STPG2: variants seen among roughly 807,000 people sequenced by gnomAD.
The protein encoded by STPG2 is sperm-tail PG-rich repeat-containing protein 2.
STPG2 carries 56 observed loss-of-function variants against 54.2 expected under a neutral mutation model. The observed-to-expected ratio is 1.03, with a 90% CI of 0.83 to 1.29. STPG2 has a LOEUF of 1.29. Among genes scored for constraint, STPG2 ranks in the 50% most tolerant of loss-of-function variants. The pLI is 0.00. For missense variants in STPG2, 596 were observed against 544.9 expected (o/e 1.09, Z -0.93); for synonymous variants, 200 against 181.8 (o/e 1.10, Z -0.81).
intron 9 of STPG2, among the ~76,000 whole-genome samples, chr4:97,715,385 A>T (rs1483098159): frequency 6.6e-6 from 1 of 152,176 alleles, no homozygotes; most frequent in African/African-American, 2.4e-5. Context: ...GGGAAATTCA[A>T]GAGTAGGTGA....
intron 10 of STPG2, among the ~76,000 whole-genome samples, chr4:97,592,141 CACTT>C (rs1380239621): frequency 1.3e-5 from 2 of 152,008 alleles, no homozygotes; most frequent in Non-Finnish European, 2.9e-5. Context: ...ATATAATTAA[CACTT>C]AAATAATAAC....
chr4:97,734,633 C>T (rs958427716), intron 9 of STPG2, among the ~76,000 whole-genome samples: 1 of 152,102 alleles, frequency 6.6e-6, no homozygotes, highest in East Asian at 1.9e-4. Flanking sequence ...CCATCCATGC[C>T]TCCCAAGGAT....
intron 9 of STPG2, among the ~76,000 whole-genome samples, chr4:97,835,756 CATTCATG>C (rs1418974900): frequency 6.6e-6 from 1 of 152,080 alleles, no homozygotes; most frequent in East Asian, 1.9e-4. Flanking sequence ...ATCATTAGAA[CATTCATG>C]ATTCATGGGA....
intron 10 of STPG2, among the ~76,000 whole-genome samples, chr4:97,707,617 T>C (rs992717878): frequency 6.6e-6 from 1 of 152,024 alleles, no homozygotes; most frequent in Non-Finnish European, 1.5e-5. Flanking sequence ...GAGTTACCTA[T>C]GAGAGTATGA....
chr4:98,124,761 A>G (rs13102369), intron 3 of STPG2, among the ~76,000 whole-genome samples: 60,084 of 152,016 alleles, frequency 0.4, 12,117 homozygotes, highest in Middle Eastern at 0.46. Flanking sequence ...ATGATATCCC[A>G]AGGTATGTTT....
intron 5 of STPG2, among the ~76,000 whole-genome samples, chr4:98,002,125 T>C (rs1472226216): frequency 6.6e-6 from 1 of 152,074 alleles, no homozygotes; most frequent in African/African-American, 2.4e-5. Flanking sequence ...AATTATAATG[T>C]CCATGTTTAT....
intron 5 of STPG2, among the ~76,000 whole-genome samples, chr4:98,070,542 A>C (rs1180028152): frequency 1.4e-5 from 2 of 141,182 alleles, no homozygotes; most frequent in African/African-American, 4.9e-5. Flanking sequence ...GAAAGAAATA[A>C]AGGGTATTCA....
At chr4:97,683,270 C>T (rs994345062) in intron 10 of STPG2, among the ~76,000 whole-genome samples, 1 of 151,768 alleles carries the variant, frequency 6.6e-6, no homozygotes, top group Non-Finnish European at 1.5e-5. Flanking sequence ...AGCTATTCAA[C>T]AGTCATTAAA....
At chr4:98,070,646 A>C (rs1344500027) in intron 5 of STPG2, among the ~76,000 whole-genome samples, 1 of 152,134 alleles carries the variant, frequency 6.6e-6, no homozygotes. Context: ...TCTTAAGCTG[A>C]TAAGCAACTT....
intron 8 of STPG2, among the ~76,000 whole-genome samples, chr4:97,859,790 C>A (rs1193688330): frequency 6.6e-6 from 1 of 152,142 alleles, no homozygotes; most frequent in Non-Finnish European, 1.5e-5. Context: ...TGGTCATCAA[C>A]TCTTGGCCTA....
At chr4:97,829,882 A>T (rs1241782150) in intron 9 of STPG2, among the ~76,000 whole-genome samples, 1 of 152,144 alleles carries the variant, frequency 6.6e-6, no homozygotes, top group Admixed American at 6.6e-5. Flanking sequence ...TGTAAAAAGA[A>T]CAAATCTACG....
At chr4:97,697,212 C>T (rs1174865342) in intron 10 of STPG2, among the ~76,000 whole-genome samples, 1 of 152,160 alleles carries the variant, frequency 6.6e-6, no homozygotes, top group East Asian at 1.9e-4. Flanking sequence ...ATATGGCCCA[C>T]TGTGGGAGCT....
rs2149008104 is a variant in STPG2, at chr4:97,712,794, C to T, written c.1225G>A (p.Val409Ile). ...GGTATGGGGCAAGATTTCCTTAAAA[C>T]AGGATTGTATGCTGCAGGACCTGAG... ...DGPGPAAYNP[V>I]LRKSCPIPLF... The change falls in exon 10 of 11, where the codon GTT (valine) becomes ATT (isoleucine). Residue 409 changes from valine (V) to isoleucine (I), a missense_variant. Physicochemically the swap from Val to Ile is conservative, Grantham distance 29. Transcript: ENST00000295268. 2 of 1,606,714 alleles carry T rather than the reference C, an allele frequency of 1.2e-6. No individual in the cohort carries two copies. The highest frequency in any genetic ancestry group is 8.5e-7 in the Non-Finnish European group (1 of 1,175,714).
rs12441712 is a variant in STPG2, at chr4:97,541,040, T to C, written c.462+171659A>G. On this transcript the variant is annotated intron_variant, in intron 4 of 4. Transcript: ENST00000522676. ...ACTGAATGGGCAAAAACTGGAAGCA[T>C]TCCCTTTGAAAAATGGCACAAGACA... Among the ~76,000 whole-genome samples, 631 of 152,278 alleles carry C rather than the reference T, an allele frequency of 4.1e-3. 3 individuals carry two copies. Among genetic ancestry groups the C allele is most frequent in the South Asian group, 0.02 (97 of 4,822 alleles).
chr4:97,918,255 G>T (rs1286012655), intron 8 of STPG2, among the ~76,000 whole-genome samples: 1 of 152,060 alleles, frequency 6.6e-6, no homozygotes, highest in Non-Finnish European at 1.5e-5. Context: ...CATAAAAATA[G>T]ACTTCAAAAT....
rs191795963 is a variant in STPG2 at position 97,452,921 on chromosome 4, C to A, written c.462+259778G>T. ...AGCGTTCTATTGCTCAATATAACTT[C>A]TCTTCATCTTATTCATCTTCCACTT... is the stretch of plus-strand genomic sequence containing the variant. On this transcript the variant is annotated intron_variant, in intron 4 of 4. Coordinates refer to the STPG2 transcript ENST00000522676. 5.3e-5 allele frequency among the ~76,000 whole-genome samples: 8 copies of A among 152,338 alleles called. No individual in the cohort carries two copies. The East Asian group carries it at 1.5e-3, about 30-fold the overall frequency.
At chr4:97,884,151 T>C (rs924535552) in intron 8 of STPG2, among the ~76,000 whole-genome samples, 1 of 151,666 alleles carries the variant, frequency 6.6e-6, no homozygotes, top group Non-Finnish European at 1.5e-5. Flanking sequence ...GAAGGGAGAA[T>C]TGCTTTGCAC....
At chr4:97,519,210 C>A (rs1261816375) in intron 4 of STPG2, among the ~76,000 whole-genome samples, 7 of 151,918 alleles carry the variant, frequency 4.6e-5, no homozygotes, top group Non-Finnish European at 1.5e-5. Context: ...AAACAGAAAT[C>A]AATAAAGATC....
At chr4:97,918,142 T>C (rs900759772) in intron 8 of STPG2, among the ~76,000 whole-genome samples, 1 of 151,798 alleles carries the variant, frequency 6.6e-6, no homozygotes, top group Non-Finnish European at 1.5e-5. Flanking sequence ...ATTATATTCA[T>C]AAAAGACTTA....
Sources: gnomAD v4.1 joint callset for allele counts (sites outside exome capture counted in the v4.1 genomes callset) on GRCh38, gnomAD v4.1.1 for gene constraint, MANE v1.5 for transcripts, NCBI Gene and HGNC (gene_info 2026-07-23, HGNC 2026-07-21) for gene names.